Variants in DET1 observed in about 807,000 individuals in gnomAD.
The protein encoded by DET1 is DET1 partner of COP1 E3 ubiquitin ligase, also known as DET1 homolog.
Under a neutral mutation model 43.7 loss-of-function variants are expected in DET1, and 22 were observed. The observed-to-expected ratio is 0.50, with a 90% CI of 0.36 to 0.72. The LOEUF is 0.72. Ranked by LOEUF, DET1 falls within the 30% of genes least tolerant of loss-of-function variation. DET1 has a pLI of 0.00. For missense variants in DET1, 713 were observed against 713.3 expected (o/e 1.00, Z 0.00); for synonymous variants, 315 against 266.2 (o/e 1.18, Z -1.79).
At position 88,513,622 on chromosome 15, in the gene DET1, G is replaced by GTTT. The variant is rs34991328; in HGVS notation, c.1464-485_1464-483dup. ...ATAATCAATATCAAACTATTAGTGA[G>GTTT]TTTTTTTTTTTTTTTTTTTGGAAAT... On this transcript the variant is annotated intron_variant, in intron 4 of 4. Transcript: ENST00000268148. Among the ~76,000 whole-genome samples the GTTT allele has an allele frequency of 6.0e-4, 69 of 115,380 alleles. 1 individual carries two copies. The highest frequency in any genetic ancestry group is 2.2e-3 in the African/African-American group (68 of 31,074). 75.7% of individuals were successfully genotyped at this position (115,380 alleles called of 152,430 possible). A position where few individuals can be genotyped will look rare whatever the true frequency, so the allele number is the denominator to read the frequency against.
In DET1 at chr15:88,527,681, A is replaced by G; in HGVS notation, c.1189T>C (p.Phe397Leu). The G allele has an allele frequency of 5.0e-6, 8 of 1,613,908 alleles. No homozygotes were observed. The highest frequency in any genetic ancestry group is 6.8e-6 in the Non-Finnish European group (8 of 1,179,842). ...TCACTGTGCAGGGTAGCATTACGAA[A>G]AAGGTCACAGAAGTTCTCAAAGAGC... ...LELFENFCDL[F>L]RNATLHSEVQ... is the part of the protein sequence containing the mutation. Residue 397 changes from phenylalanine to leucine, a missense_variant, in exon 3 of 5, where the codon TTT (phenylalanine) becomes CTT (leucine). Phe to Leu is a conservative substitution (Grantham distance 22). Transcript: ENST00000268148.
intron 3 of DET1, among the ~76,000 whole-genome samples, chr15:88,526,118 G>A (rs2056656010): frequency 6.6e-6 from 1 of 152,170 alleles, no homozygotes. Flanking sequence ...GAAGATTTGT[G>A]TGAACCAAAG....
At chr15:88,529,599 T>TA (rs1363683374) in intron 2 of DET1, among the ~76,000 whole-genome samples, 1 of 152,232 alleles carries the variant, frequency 6.6e-6, no homozygotes, top group African/African-American at 2.4e-5. Context: ...TGGTGAGGTT[T>TA]TAGGACACGA....
chr15:88,539,114 TC>T (rs2057027491), intron 1 of DET1, among the ~76,000 whole-genome samples: 1 of 151,550 alleles, frequency 6.6e-6, no homozygotes, highest in African/African-American at 2.4e-5. Flanking sequence ...TCTCTCTCTC[TC>T]TTTCTCTTAT....
chr15:88,513,705 C>A (rs1251709818), intron 4 of DET1, among the ~76,000 whole-genome samples: 4 of 146,482 alleles, frequency 2.7e-5, no homozygotes, highest in African/African-American at 1.0e-4. Flanking sequence ...ATTTTAAGTA[C>A]CCAATTGCCA....
At chr15:88,522,166 CTTTG>C (rs1178056239) in intron 3 of DET1, among the ~76,000 whole-genome samples, 1 of 152,168 alleles carries the variant, frequency 6.6e-6, no homozygotes, top group Non-Finnish European at 1.5e-5. Context: ...TTAATAACGA[CTTTG>C]TTTAACAATC....
At chr15:88,537,012 T>C (rs908121003) in intron 1 of DET1, among the ~76,000 whole-genome samples, 2 of 152,024 alleles carry the variant, frequency 1.3e-5, no homozygotes, top group Non-Finnish European at 2.9e-5. Context: ...TCATATTCTG[T>C]CTCCTTCTGA....
intron 1 of DET1, among the ~76,000 whole-genome samples, chr15:88,542,014 T>C (rs1465535148): frequency 6.6e-6 from 1 of 152,128 alleles, no homozygotes; most frequent in African/African-American, 2.4e-5. Context: ...CTTCCTGTTT[T>C]ATGTCCCTTT....
At chr15:88,538,155 T>G (rs1036372890) in intron 1 of DET1, among the ~76,000 whole-genome samples, 1 of 152,108 alleles carries the variant, frequency 6.6e-6, no homozygotes, top group African/African-American at 2.4e-5. Flanking sequence ...AACTGGTTTT[T>G]ACTAACTCTG....
In DET1 at chr15:88,531,696, G is replaced by T. The variant is rs775160112; in HGVS notation, c.10C>A (p.His4Asn). Reference protein sequence around the residue: MDHHVSTIKPRRIQ... With the variant: MDHNVSTIKPRRIQ... ...CTTCGAGGCTTGATGGTAGAAACATGATGATCCATTATCACATCTCTAAAC... is the reference window on the plus strand; with the variant it reads ...CTTCGAGGCTTGATGGTAGAAACATTATGATCCATTATCACATCTCTAAAC... The change falls in exon 2 of 5, where the codon CAT becomes AAT. Residue 4 changes from histidine to asparagine, a missense_variant. His to Asn is a moderately conservative substitution (Grantham distance 68). Coordinates refer to ENST00000268148, the MANE Select transcript of DET1 (RefSeq NM_001144074.3). This position sits in a 1 kb window ranked among gnomAD's most constrained non-coding sequence, Gnocchi z 6.2. 6.2e-7 allele frequency: 1 copy of T among 1,607,070 alleles called. No individual in the cohort carries two copies. The highest frequency in any genetic ancestry group is 1.1e-5 in the South Asian group (1 of 90,964).
chr15:88,532,409 T>C (rs900746463), intron 1 of DET1, among the ~76,000 whole-genome samples: 1 of 152,192 alleles, frequency 6.6e-6, no homozygotes, highest in African/African-American at 2.4e-5. Flanking sequence ...ACAGATTCAA[T>C]ACAAACCCTA....
intron 1 of DET1, among the ~76,000 whole-genome samples, chr15:88,534,205 T>G (rs2056890079): frequency 6.6e-6 from 1 of 152,150 alleles, no homozygotes; most frequent in African/African-American, 2.4e-5. Context: ...TTGATTCAAA[T>G]CAAAGTTAAA....
chr15:88,518,003 C>T (rs2056391884), intron 3 of DET1, among the ~76,000 whole-genome samples: 1 of 152,098 alleles, frequency 6.6e-6, no homozygotes, highest in South Asian at 2.1e-4. Context: ...GTGGCACAAC[C>T]CCAGCTTACT....
chr15:88,538,912 C>T (rs949006069), intron 1 of DET1, among the ~76,000 whole-genome samples: 16 of 152,102 alleles, frequency 1.1e-4, no homozygotes, highest in Admixed American at 7.9e-4. Context: ...GTGGCCCTGA[C>T]GAGGGCATCC....
intron 8 of DET1, chr15:88,503,342 C>A (rs1379220172): frequency 1.3e-5 from 2 of 151,884 alleles, no homozygotes; most frequent in Non-Finnish European, 2.9e-5. Flanking sequence ...TATTGTCAAC[C>A]TTTAATAAAA....
chr15:88,516,760 A>G lies in DET1; in HGVS notation c.1463+22T>C. 1 of 1,517,058 alleles carries G rather than the reference A, an allele frequency of 6.6e-7. No homozygotes were observed. The highest frequency in any genetic ancestry group is 8.8e-7 in the Non-Finnish European group (1 of 1,136,898). 94.0% of individuals were successfully genotyped at this position (1,517,058 alleles called of 1,614,324 possible). On this transcript the variant is annotated intron_variant, in intron 4 of 4. Coordinates refer to ENST00000268148, the MANE Select transcript of DET1 (RefSeq NM_001144074.3). This position sits in a 1 kb window ranked among gnomAD's most constrained non-coding sequence, Gnocchi z 4.4. The stretch of plus-strand genomic sequence containing the variant: ...CATCTTCAGCCCTTGAGCAGTTTGT[A>G]GCTATAGCAGTGACACTGTACCTGA...
intron 1 of DET1, among the ~76,000 whole-genome samples, chr15:88,533,662 G>A (rs1598341118): frequency 1.3e-5 from 2 of 151,966 alleles, no homozygotes. Context: ...ATTATGTGAA[G>A]TCAAATAAGC....
At chr15:88,534,575 A>G (rs2056899410) in intron 1 of DET1, among the ~76,000 whole-genome samples, 1 of 152,222 alleles carries the variant, frequency 6.6e-6, no homozygotes, top group Admixed American at 6.5e-5. Flanking sequence ...TCAGAAAAGT[A>G]ACATCATGAA....
chr15:88,526,911 A>G (rs2056678011), intron 3 of DET1, among the ~76,000 whole-genome samples: 1 of 152,176 alleles, frequency 6.6e-6, no homozygotes, highest in South Asian at 2.1e-4. Context: ...CCTACCTCAC[A>G]GATACCTTCA....
Sources: gnomAD v4.1 joint callset for allele counts (sites outside exome capture counted in the v4.1 genomes callset) on GRCh38, gnomAD v4.1.1 for gene constraint, Gnocchi (gnomAD v3.1) non-coding constraint, MANE v1.5 for transcripts, NCBI Gene and HGNC (gene_info 2026-07-23, HGNC 2026-07-21) for gene names.